Variants in RSPO2 observed in about 807,000 individuals in gnomAD.
The protein encoded by RSPO2 is R-spondin 2, also known as R-spondin-2.
Under a neutral mutation model 30.9 loss-of-function variants are expected in RSPO2, and 14 were observed. That is an observed-to-expected ratio of 0.45 (90% CI 0.30 to 0.71). The LOEUF is 0.71. RSPO2 is among the 30% of genes least tolerant of loss of function. The pLI is 0.08. For missense variants in RSPO2, 264 were observed against 301.9 expected (o/e 0.87, Z 0.93); for synonymous variants, 107 against 96.4 (o/e 1.11, Z -0.64).
rs552637227 is a variant in RSPO2, at chr8:107,937,986, C to T, written c.616+20094G>A. ...TGTTAGTCTACTGAAAATCCTAAAC[C>T]TGTCCACAATAATATCCTTGAAATG... is the stretch of plus-strand genomic sequence containing the variant. On this transcript the variant is annotated intron_variant, in intron 5 of 5. Transcript: ENST00000276659. Among the ~76,000 whole-genome samples the T allele has an allele frequency of 1.2e-4, 18 of 152,132 alleles. No homozygotes were observed. The South Asian group carries it at 3.7e-3, about 32-fold the overall frequency.
At chr8:107,963,534 A>G (rs1813700525) in intron 3 of RSPO2, among the ~76,000 whole-genome samples, 1 of 149,034 alleles carries the variant, frequency 6.7e-6, no homozygotes, top group African/African-American at 2.5e-5. Context: ...AAAAAAAAAA[A>G]AAAAAAAAAA....
At chr8:108,047,577 G>A (rs963341643) in intron 2 of RSPO2, among the ~76,000 whole-genome samples, 4 of 152,188 alleles carry the variant, frequency 2.6e-5, no homozygotes, top group Non-Finnish European at 5.9e-5. Context: ...GTCAGGCATG[G>A]TGGCTCATGC....
chr8:107,995,349 G>A (rs1814982686), intron 2 of RSPO2, among the ~76,000 whole-genome samples: 1 of 151,854 alleles, frequency 6.6e-6, no homozygotes, highest in South Asian at 2.1e-4. Context: ...TAAAATTCTG[G>A]GTAAGCGACT....
chr8:107,966,111 C>T (rs1024630398), intron 3 of RSPO2, among the ~76,000 whole-genome samples: 2 of 152,032 alleles, frequency 1.3e-5, no homozygotes, highest in African/African-American at 4.8e-5. Context: ...GGTTTAGAAG[C>T]TTTGGGTGGG....
chr8:108,042,722 C>T (rs556140753), intron 2 of RSPO2, among the ~76,000 whole-genome samples: 5 of 152,180 alleles, frequency 3.3e-5, no homozygotes, highest in East Asian at 3.9e-4. Flanking sequence ...TATGGCTTTA[C>T]GGCTGGGGCA....
intron 2 of RSPO2, among the ~76,000 whole-genome samples, chr8:108,007,268 T>G (rs1188489695): frequency 6.6e-6 from 1 of 152,198 alleles, no homozygotes; most frequent in Non-Finnish European, 1.5e-5. Context: ...AATCCACATT[T>G]GAATGATTGC....
intron 2 of RSPO2, among the ~76,000 whole-genome samples, chr8:108,047,667 G>A (rs1250612990): frequency 6.6e-6 from 1 of 152,064 alleles, no homozygotes; most frequent in Non-Finnish European, 1.5e-5. Flanking sequence ...GACCAACATA[G>A]TGAAACCCCG....
intron 4 of RSPO2, among the ~76,000 whole-genome samples, chr8:107,960,187 G>A (rs781181505): frequency 7.9e-5 from 12 of 151,806 alleles, no homozygotes; most frequent in Non-Finnish European, 1.6e-4. Context: ...TATAAATTTA[G>A]TAATTGTTTT....
chr8:107,944,554 T>TA (rs1487504591), intron 5 of RSPO2, among the ~76,000 whole-genome samples: 1 of 152,156 alleles, frequency 6.6e-6, no homozygotes, highest in Non-Finnish European at 1.5e-5. Flanking sequence ...ACAGTTCTTC[T>TA]ATACCATAAC....
chr8:107,969,421 C>T (rs537433840), intron 3 of RSPO2, among the ~76,000 whole-genome samples: 36 of 152,200 alleles, frequency 2.4e-4, no homozygotes, highest in African/African-American at 8.7e-4. Context: ...CAAACTTTTG[C>T]AATATGCTGC....
At chr8:108,020,412 A>C (rs1452787518) in intron 2 of RSPO2, among the ~76,000 whole-genome samples, 1 of 152,286 alleles carries the variant, frequency 6.6e-6, no homozygotes, top group East Asian at 1.9e-4. Context: ...AAATCCTATC[A>C]CTTCGGCTGT....
chr8:108,074,801 A>G (rs527370215), intron 2 of RSPO2, among the ~76,000 whole-genome samples: 1 of 152,258 alleles, frequency 6.6e-6, no homozygotes, highest in African/African-American at 2.4e-5. Flanking sequence ...TAGTTTTAAA[A>G]CCACACGTTT....
chr8:107,977,479 T>C (rs954641891), intron 3 of RSPO2, among the ~76,000 whole-genome samples: 1 of 152,196 alleles, frequency 6.6e-6, no homozygotes, highest in Non-Finnish European at 1.5e-5. Context: ...CAAAGCAGTA[T>C]GTGTCAACAA....
chr8:107,998,899 T>C (rs973579201), intron 2 of RSPO2, among the ~76,000 whole-genome samples: 11 of 151,948 alleles, frequency 7.2e-5, no homozygotes, highest in Non-Finnish European at 1.5e-4. Flanking sequence ...AATACAAAAT[T>C]AGCTGGGCAT....
intron 5 of RSPO2, among the ~76,000 whole-genome samples, chr8:107,911,175 G>C (rs1811814138): frequency 6.6e-6 from 1 of 152,140 alleles, no homozygotes; most frequent in Non-Finnish European, 1.5e-5. Context: ...CTCTATCCCT[G>C]ATAAACCCTG....
intron 3 of RSPO2, among the ~76,000 whole-genome samples, chr8:107,980,835 A>G (rs1814404108): frequency 6.6e-6 from 1 of 152,128 alleles, no homozygotes; most frequent in Non-Finnish European, 1.5e-5. Flanking sequence ...GATCCCTTCT[A>G]TAACTGTGCA....
At chr8:107,990,127 G>A (rs902769080) in intron 2 of RSPO2, among the ~76,000 whole-genome samples, 3 of 152,110 alleles carry the variant, frequency 2.0e-5, no homozygotes, top group African/African-American at 7.2e-5. Context: ...ACAATGAAAT[G>A]AAAATTCTAA....
At chr8:108,049,838 A>G (rs745740315) in intron 2 of RSPO2, among the ~76,000 whole-genome samples, 2 of 152,122 alleles carry the variant, frequency 1.3e-5, no homozygotes, top group Non-Finnish European at 2.9e-5. Flanking sequence ...AGTCTTTGCT[A>G]TTGTAAACAG....
chr8:107,952,676 T>C lies in RSPO2; in HGVS notation c.616+5404A>G, dbSNP rs145178807. 9.1e-4 allele frequency among the ~76,000 whole-genome samples: 138 copies of C among 152,320 alleles called. 2 individuals are homozygous for C. The East Asian group carries it at 0.017, about 18-fold the overall frequency. On this transcript the variant is annotated intron_variant, in intron 5 of 5. Transcript: ENST00000276659. ...CGCATATTTTCTTGACCCTGTCCCA[T>C]TGAAAAATATGCTTATTTCCTGCTC...
Sources: gnomAD v4.1 joint callset for allele counts (sites outside exome capture counted in the v4.1 genomes callset) on GRCh38, gnomAD v4.1.1 for gene constraint, MANE v1.5 for transcripts, NCBI Gene and HGNC (gene_info 2026-07-23, HGNC 2026-07-21) for gene names.